CPEB3: variants seen among roughly 807,000 people sequenced by gnomAD.
The protein encoded by CPEB3 is cytoplasmic polyadenylation element binding protein 3.
Under a neutral mutation model 67.2 loss-of-function variants are expected in CPEB3, and 20 were observed. That is an observed-to-expected ratio of 0.30 (90% CI 0.21 to 0.43). CPEB3 has a LOEUF of 0.43. Among genes scored for constraint, CPEB3 ranks in the 20% least tolerant of loss-of-function variants. The pLI, the probability that CPEB3 is intolerant of heterozygous loss-of-function variation, is 1.00. For missense variants in CPEB3, 746 were observed against 968.6 expected, an observed-to-expected ratio of 0.77 and a Z score of 3.05; for synonymous variants, 376 against 393.1, an observed-to-expected ratio of 0.96 and a Z score of 0.51.
chr10:92,137,484 G>C, intron 6 of CPEB3: 1 of 1,169,128 alleles, frequency 8.6e-7, no homozygotes. Flanking sequence ...AGGTGGTTTT[G>C]CTATCAGCCA....
At chr10:92,274,555 C>T (rs944431379) in intron 1 of CPEB3, among the ~76,000 whole-genome samples, 1 of 152,040 alleles carries the variant, frequency 6.6e-6, no homozygotes, top group African/African-American at 2.4e-5. Flanking sequence ...AAATGTCGTT[C>T]TGGGGCCAGG....
At chr10:92,243,750 A>G (rs1395970453) in intron 1 of CPEB3, among the ~76,000 whole-genome samples, 1 of 152,214 alleles carries the variant, frequency 6.6e-6, no homozygotes, top group Non-Finnish European at 1.5e-5. Context: ...ATGGCATAAA[A>G]GAATCACTTT....
intron 1 of CPEB3, among the ~76,000 whole-genome samples, chr10:92,278,870 A>G (rs1842125180): frequency 6.6e-6 from 1 of 151,948 alleles, no homozygotes; most frequent in Non-Finnish European, 1.5e-5. Flanking sequence ...AAGTGCTGGG[A>G]TTACAGGCAT....
At chr10:92,052,533 G>T in intron 9 of CPEB3, 94 bp from the exon 10 acceptor site, 1 of 1,038,770 alleles carries the variant, frequency 9.6e-7, no homozygotes, top group Non-Finnish European at 1.4e-6. Context: ...TTCAACGTAT[G>T]TCTCAATCAG....
intron 1 of CPEB3, among the ~76,000 whole-genome samples, chr10:92,281,780 A>G (rs1842307886): frequency 6.6e-6 from 1 of 152,190 alleles, no homozygotes; most frequent in Non-Finnish European, 1.5e-5. Flanking sequence ...TTCTTTTTGC[A>G]TGCACATGGT....
In CPEB3 at chr10:92,052,144, G is replaced by T; in HGVS notation, c.*68C>A. On this transcript the variant is annotated 3_prime_UTR_variant, in exon 10 of 10. Coordinates refer to ENST00000265997, the MANE Select transcript of CPEB3 (RefSeq NM_014912.5). ...AGATTTCCAGAACACTGTAAGCCCT[G>T]AGGCAGTGCCCTCTCTTTTCCCTCC... is the stretch of plus-strand genomic sequence containing the variant. 9.6e-7 allele frequency: 1 copy of T among 1,045,128 alleles called. No individual in the cohort carries two copies. The allele number at this position is 1,045,128 out of a possible 1,614,324, so 64.7% of individuals were successfully genotyped here.
At chr10:92,245,133 CTTTTTTTTT>C (rs989695063) in intron 1 of CPEB3, among the ~76,000 whole-genome samples, 3 of 98,068 alleles carry the variant, frequency 3.1e-5, no homozygotes, top group Non-Finnish European at 4.1e-5. Context: ...AGAAAAGAGT[CTTTTTTTTT>C]TTTTTTTTTT....
chr10:92,289,932 G>T (rs1369066890), intron 1 of CPEB3, among the ~76,000 whole-genome samples: 3 of 124,772 alleles, frequency 2.4e-5, no homozygotes, highest in Non-Finnish European at 4.9e-5. Flanking sequence ...GTGTGGTGGG[G>T]GGGGGTGGGT....
intron 4 of CPEB3, among the ~76,000 whole-genome samples, chr10:92,149,728 G>T (rs1590243764): frequency 6.6e-6 from 1 of 152,262 alleles, no homozygotes; most frequent in East Asian, 1.9e-4. Context: ...ACACATAAAT[G>T]ATATTTCTCT....
intron 4 of CPEB3, among the ~76,000 whole-genome samples, chr10:92,149,112 G>A (rs1242104874): frequency 5.9e-5 from 9 of 152,242 alleles, no homozygotes; most frequent in African/African-American, 2.2e-4. Context: ...TGTTGGCCAG[G>A]CTGGTCTTGA....
chr10:92,183,174 A>T (rs1348144682), intron 3 of CPEB3, among the ~76,000 whole-genome samples: 3 of 152,198 alleles, frequency 2.0e-5, no homozygotes, highest in Non-Finnish European at 4.4e-5. Flanking sequence ...TATGAGTAAA[A>T]TCTAAAAGAA....
intron 6 of CPEB3, among the ~76,000 whole-genome samples, chr10:92,128,236 C>T (rs550209250): frequency 2.0e-5 from 3 of 152,252 alleles, no homozygotes; most frequent in Admixed American, 2.0e-4. Flanking sequence ...CAGAAGTATC[C>T]AATCTTTTGG....
chr10:92,089,512 C>G (rs1843524161), intron 8 of CPEB3, among the ~76,000 whole-genome samples: 1 of 152,090 alleles, frequency 6.6e-6, no homozygotes, highest in African/African-American at 2.4e-5. Context: ...TTCGGCTGGG[C>G]ACGGTGGCTC....
intron 7 of CPEB3, among the ~76,000 whole-genome samples, chr10:92,103,821 C>G (rs188625328): frequency 4.6e-5 from 7 of 152,318 alleles, no homozygotes; most frequent in African/African-American, 1.7e-4. Flanking sequence ...TGTACTCCAG[C>G]CAGACAACTT....
chr10:92,138,939 G>A (rs1846250037), intron 6 of CPEB3, among the ~76,000 whole-genome samples: 1 of 152,112 alleles, frequency 6.6e-6, no homozygotes, highest in African/African-American at 2.4e-5. Flanking sequence ...GCCAGGATTT[G>A]GAAACAACCT....
At chr10:92,111,974 C>G (rs1564788901) in intron 6 of CPEB3, among the ~76,000 whole-genome samples, 1 of 152,114 alleles carries the variant, frequency 6.6e-6, no homozygotes, top group African/African-American at 2.4e-5. Context: ...TGGCAGAGTA[C>G]AGTAGGTCTA....
intron 9 of CPEB3, among the ~76,000 whole-genome samples, chr10:92,069,260 A>G (rs1412565022): frequency 6.6e-6 from 1 of 152,222 alleles, no homozygotes; most frequent in East Asian, 1.9e-4. Flanking sequence ...ACATGTGTCA[A>G]CTAAACAGAG....
intron 9 of CPEB3, among the ~76,000 whole-genome samples, chr10:92,072,684 T>C (rs1842793755): frequency 6.6e-6 from 1 of 152,236 alleles, no homozygotes; most frequent in Non-Finnish European, 1.5e-5. Flanking sequence ...TTGTTTGTTT[T>C]GTTTTGTTCA....
At chr10:92,258,607 C>G (rs1852626221) in intron 1 of CPEB3, among the ~76,000 whole-genome samples, 1 of 117,806 alleles carries the variant, frequency 8.5e-6, no homozygotes, top group Non-Finnish European at 1.6e-5. Flanking sequence ...AGTTTCCAGA[C>G]TTCAATTATA....
Sources: gnomAD v4.1 joint callset for allele counts (sites outside exome capture counted in the v4.1 genomes callset) on GRCh38, gnomAD v4.1.1 for gene constraint, MANE v1.5 for transcripts, NCBI Gene and HGNC (gene_info 2026-07-23, HGNC 2026-07-21) for gene names.